PTPRN2: variants seen among roughly 807,000 people sequenced by gnomAD.
PTPRN2 encodes the protein receptor-type tyrosine-protein phosphatase N2.
PTPRN2 carries 74 observed loss-of-function variants against 118.8 expected under a neutral mutation model. The observed-to-expected ratio is 0.62, with a 90% CI of 0.52 to 0.76. The LOEUF (loss-of-function observed/expected upper bound fraction) is 0.76, where lower values mean the gene tolerates loss of function less well. Among genes scored for constraint, PTPRN2 ranks in the 30% least tolerant of loss-of-function variants. The pLI, the probability that PTPRN2 is intolerant of heterozygous loss-of-function variation, is 0.00. For synonymous variants in PTPRN2, 641 were observed against 608.0 expected (o/e 1.05, Z -0.80); for missense variants, 1,481 against 1,394.4 (o/e 1.06, Z -0.99).
At chr7:158,241,311 T>C (rs931279871) in intron 3 of PTPRN2, among the ~76,000 whole-genome samples, 3 of 152,022 alleles carry the variant, frequency 2.0e-5, no homozygotes, top group Non-Finnish European at 4.4e-5. Flanking sequence ...GGTTAGGAGT[T>C]CAAGACCAGC....
At chr7:158,346,711 G>A (rs796622544) in intron 2 of PTPRN2, among the ~76,000 whole-genome samples, 31 of 152,246 alleles carry the variant, frequency 2.0e-4, no homozygotes, top group African/African-American at 7.2e-4. Flanking sequence ...TGACTGTACC[G>A]ATTTAGATTC....
Position 157,940,798 on chromosome 7 carries a change from C to T in PTPRN2, c.1724-42061G>A, listed in dbSNP as rs1482688392. 3.4e-4 allele frequency among the ~76,000 whole-genome samples: 29 copies of T among 84,838 alleles called. 2 individuals carry two copies. Among genetic ancestry groups the T allele is most frequent in the Non-Finnish European group, 4.7e-4 (23 of 48,820 alleles). The allele number at this position is 84,838 out of a possible 152,430, so 55.7% of individuals were successfully genotyped here. A position where few individuals can be genotyped will look rare whatever the true frequency, so the allele number is the denominator to read the frequency against. ...ACACTGCAAATCAAACACCCTCCCC[C>T]ATGACACTGCAAATCTAATGCCCTC... On this transcript the variant is annotated intron_variant, in intron 11 of 22. Transcript: ENST00000389418.
rs1820148117 is a variant in PTPRN2, at chr7:158,475,136, C to T, written c.163+14599G>A. Among the ~76,000 whole-genome samples the T allele has an allele frequency of 2.6e-5, 4 of 152,156 alleles. No individual in the cohort carries two copies. The South Asian group carries it at 8.3e-4, about 31-fold the overall frequency. On this transcript the variant is annotated intron_variant, in intron 2 of 22. Transcript: ENST00000389418. ...TTGGGAGGCACCAGTTTCCCTGACG[C>T]CACGGTGGCAGGCGGGAGGGCTCAG...
intron 12 of PTPRN2, among the ~76,000 whole-genome samples, chr7:157,859,777 CCCA>C (rs1223288725): frequency 8.2e-6 from 1 of 121,772 alleles, no homozygotes; most frequent in South Asian, 3.2e-4. Context: ...GGGAGAGCCC[CCCA>C]GCCACCACCC....
At chr7:158,121,986 G>A (rs1283016759) in intron 9 of PTPRN2, among the ~76,000 whole-genome samples, 1 of 152,236 alleles carries the variant, frequency 6.6e-6, no homozygotes, top group Non-Finnish European at 1.5e-5. Flanking sequence ...GCCATCATCT[G>A]TCATTCCGAG....
At chr7:157,791,518 C>T (rs1373370178) in intron 12 of PTPRN2, among the ~76,000 whole-genome samples, 2 of 150,410 alleles carry the variant, frequency 1.3e-5, no homozygotes, top group Non-Finnish European at 3.0e-5. Flanking sequence ...CCTGCCTGTC[C>T]TCCCTGCACC....
At chr7:158,207,688 C>T (rs923989149) in intron 3 of PTPRN2, among the ~76,000 whole-genome samples, 8 of 152,086 alleles carry the variant, frequency 5.3e-5, no homozygotes, top group Admixed American at 2.6e-4. Flanking sequence ...ACAAACAAGC[C>T]GAGATTTTAG....
intron 12 of PTPRN2, among the ~76,000 whole-genome samples, chr7:157,734,745 T>TA (rs1006014652): frequency 2.6e-5 from 4 of 152,132 alleles, no homozygotes; most frequent in African/African-American, 9.7e-5. Flanking sequence ...ACAAAACTGT[T>TA]ACAATAACCT....
chr7:157,796,760 G>C (rs778532962), intron 12 of PTPRN2, among the ~76,000 whole-genome samples: 3 of 152,208 alleles, frequency 2.0e-5, no homozygotes, highest in Non-Finnish European at 4.4e-5. Context: ...GTCCCACGGT[G>C]GGCGTAGGCG....
rs1563478993 is a variant in PTPRN2 at position 158,131,043 on chromosome 7, CGTA to C, written c.1556+2631_1556+2633del. On this transcript the variant is annotated intron_variant, in intron 9 of 22. Coordinates refer to ENST00000389418, the MANE Select transcript of PTPRN2 (RefSeq NM_002847.5). ...TCATATACACACACTTATACACACACGTACATACAGACACCTGCCCAACACACA... is the reference window on the plus strand; with the variant it reads ...TCATATACACACACTTATACACACACCATACAGACACCTGCCCAACACACA... Among the ~76,000 whole-genome samples the C allele has an allele frequency of 2.2e-4, 25 of 115,366 alleles. No homozygotes were observed. The East Asian group carries it at 7.2e-3, about 33-fold the overall frequency. 75.7% of individuals were successfully genotyped at this position (115,366 alleles called of 152,430 possible). A position where few individuals can be genotyped will look rare whatever the true frequency, so the allele number is the denominator to read the frequency against.
intron 6 of PTPRN2, among the ~76,000 whole-genome samples, chr7:158,155,081 C>T (rs1007711018): frequency 2.0e-5 from 3 of 152,186 alleles, no homozygotes; most frequent in African/African-American, 7.2e-5. Flanking sequence ...TTCATAATGA[C>T]ATTTTAAGTA....
Position 157,974,884 on chromosome 7 carries a change from C to T in PTPRN2, c.1724-76147G>A, listed in dbSNP as rs1802621909. On this transcript the variant is annotated intron_variant, in intron 11 of 22. Coordinates refer to ENST00000389418, the MANE Select transcript of PTPRN2 (RefSeq NM_002847.5). The surrounding 1 kb of genome is among the most constrained non-coding windows in gnomAD (Gnocchi z 4.0). ...AGGTGCCCACGTCCATCCCCAGCCC[C>T]TCAGGCATGTTCACCATCATGGCGC... 6.6e-6 allele frequency among the ~76,000 whole-genome samples: 1 copy of T among 152,100 alleles called. No individual in the cohort carries two copies. The highest frequency in any genetic ancestry group is 2.4e-5 in the African/African-American group (1 of 41,398).
intron 9 of PTPRN2, among the ~76,000 whole-genome samples, chr7:158,112,129 G>T (rs1228395681): frequency 6.6e-6 from 1 of 152,228 alleles, no homozygotes; most frequent in African/African-American, 2.4e-5. Flanking sequence ...CTCCAGGACA[G>T]GGAGAAGATG....
chr7:157,932,699 CT>C (rs1362746975), intron 11 of PTPRN2, among the ~76,000 whole-genome samples: 1 of 148,360 alleles, frequency 6.7e-6, no homozygotes, highest in Non-Finnish European at 1.5e-5. Flanking sequence ...GAGTGTCATT[CT>C]GATTGACAGT....
In PTPRN2 at chr7:158,107,045, A is replaced by G. The variant is rs111803877; in HGVS notation, c.1643+3784T>C. ...GAACCCAAAACACTGACTGGGAGCTACCTCACAAGAAACCAAGGTGGTGCC... is the reference window on the plus strand; with the variant it reads ...GAACCCAAAACACTGACTGGGAGCTGCCTCACAAGAAACCAAGGTGGTGCC... On this transcript the variant is annotated intron_variant, in intron 10 of 22. Transcript: ENST00000389418. Among the ~76,000 whole-genome samples, 932 of 152,164 alleles carry G rather than the reference A, an allele frequency of 6.1e-3. 12 individuals carry two copies. Among genetic ancestry groups the G allele is most frequent in the African/African-American group, 0.021 (889 of 41,482 alleles).
At position 158,556,999 on chromosome 7, in the gene PTPRN2, TCGCTCCCAC is replaced by T. The variant is rs1175904817; in HGVS notation, c.112+30550_112+30558del. On this transcript the variant is annotated intron_variant, in intron 1 of 22. Coordinates refer to ENST00000389418, the MANE Select transcript of PTPRN2 (RefSeq NM_002847.5). ...ACAGGTCAGGCGGCTCCCACGCAGG[TCGCTCCCAC>T]GCAGGTCGCTCCCACGCAGGTCAGA... is the stretch of plus-strand genomic sequence containing the variant. Among the ~76,000 whole-genome samples, 806 of 115,954 alleles carry T rather than the reference TCGCTCCCAC, an allele frequency of 7.0e-3. 12 individuals carry two copies. The highest frequency in any genetic ancestry group is 0.032 in the African/African-American group (743 of 23,388). The allele number at this position is 115,954 out of a possible 152,430, so 76.1% of individuals were successfully genotyped here.
chr7:158,357,548 C>T (rs143735684), intron 2 of PTPRN2, among the ~76,000 whole-genome samples: 1,880 of 152,344 alleles, frequency 0.012, 17 homozygotes, highest in Non-Finnish European at 0.019. Flanking sequence ...GCATTTGCTG[C>T]GCAGCCCAGG....
intron 3 of PTPRN2, among the ~76,000 whole-genome samples, chr7:158,305,911 C>T (rs2151060135): frequency 6.6e-6 from 1 of 152,256 alleles, no homozygotes. Flanking sequence ...AGCTCTGCCA[C>T]AGGCTTGAAA....
At chr7:158,012,837 G>A (rs959884982) in intron 11 of PTPRN2, among the ~76,000 whole-genome samples, 3 of 152,204 alleles carry the variant, frequency 2.0e-5, no homozygotes, top group African/African-American at 7.2e-5. Context: ...GCCACACCTA[G>A]ATGAAAGGGA....
Sources: allele counts gnomAD v4.1 joint callset (sites outside exome capture counted in the v4.1 genomes callset), GRCh38; gene constraint gnomAD v4.1.1; non-coding constraint Gnocchi (gnomAD v3.1); transcripts MANE v1.5; gene names NCBI Gene and HGNC (gene_info 2026-07-23, HGNC 2026-07-21).